Variants in NTRK1 observed in about 807,000 individuals in gnomAD.
NTRK1 encodes the protein high affinity nerve growth factor receptor.
In NTRK1, 62 loss-of-function variants were observed where a neutral mutation model predicts 86.8. The ratio of observed to expected loss-of-function variants is 0.71; its 90% CI spans 0.58 to 0.88. The LOEUF is 0.88. Ranked by LOEUF, NTRK1 falls within the 40% of genes least tolerant of loss-of-function variation. NTRK1 has a pLI of 0.00. For missense variants in NTRK1, 967 were observed against 1,078.4 expected (o/e 0.90, Z 1.45); for synonymous variants, 469 against 456.6 (o/e 1.03, Z -0.35).
chr1:156,873,950 C>T lies in NTRK1; in HGVS notation c.1168C>T (p.Pro390Ser). ...CCCTTTCGAGTTCAACCCCGAGGACCCCATCCCTGGTGCGAGGGCCATCCT... is the reference window on the plus strand; with the variant it reads ...CCCTTTCGAGTTCAACCCCGAGGACTCCATCCCTGGTGCGAGGGCCATCCT... ...DNPFEFNPED[P>S]IPVSFSPVDT... Residue 390 changes from proline (P) to serine (S), a missense_variant, in exon 8 of 17, where the codon CCC (proline) becomes TCC (serine). Pro to Ser is a moderately conservative substitution (Grantham distance 74). Coordinates refer to ENST00000524377, the MANE Select transcript of NTRK1 (RefSeq NM_002529.4). 1 of 1,553,140 alleles carries T rather than the reference C, an allele frequency of 6.4e-7. No homozygotes were observed. Among genetic ancestry groups the T allele is most frequent in the South Asian group, 1.2e-5 (1 of 84,236 alleles).
At chr1:156,818,370 G>T (rs1262878870) in intron 1 of NTRK1, among the ~76,000 whole-genome samples, 1 of 152,032 alleles carries the variant, frequency 6.6e-6, no homozygotes, top group Non-Finnish European at 1.5e-5. Flanking sequence ...GGTACGGTTG[G>T]GTTTTGGCTA....
rs577357736 is a variant in NTRK1, at chr1:156,869,444, G to A, written c.717+797G>A. ...GCACAATATCAGTTGTACTGCATCCGGGATGAGTTCTCGGGGGTATCGTGG... is the reference window on the plus strand; with the variant it reads ...GCACAATATCAGTTGTACTGCATCCAGGATGAGTTCTCGGGGGTATCGTGG... On this transcript the variant is annotated intron_variant, in intron 6 of 16. Coordinates refer to ENST00000524377, the MANE Select transcript of NTRK1 (RefSeq NM_002529.4). Among the ~76,000 whole-genome samples the A allele has an allele frequency of 2.5e-3, 381 of 152,072 alleles. 1 individual carries two copies. The highest frequency in any genetic ancestry group is 8.7e-3 in the African/African-American group (361 of 41,488).
At chr1:156,815,907 C>G in intron 1 of NTRK1, 1 of 1,612,184 alleles carries the variant, frequency 6.2e-7, no homozygotes, top group Non-Finnish European at 8.5e-7. Flanking sequence ...TTCCTGCCTT[C>G]TCTTGGAGTG....
chr1:156,844,163 A>C, intron 2 of NTRK1: 2 of 1,597,880 alleles, frequency 1.3e-6, no homozygotes, highest in Non-Finnish European at 1.7e-6. Context: ...GACCGGTGGG[A>C]CTTATCATCA....
At chr1:156,864,671 G>T in intron 2 of NTRK1, 57 bp from the exon 3 acceptor site, 4 of 1,586,368 alleles carry the variant, frequency 2.5e-6, no homozygotes, top group Non-Finnish European at 2.6e-6. Flanking sequence ...GGCAGGGAGG[G>T]CCAGGGGCCC....
In NTRK1 at chr1:156,881,560, A is replaced by G. The variant is rs2102931183; in HGVS notation, c.2309A>G (p.Gln770Arg). 6.2e-7 allele frequency: 1 copy of G among 1,611,118 alleles called. No individual in the cohort carries two copies. The highest frequency in any genetic ancestry group is 8.5e-7 in the Non-Finnish European group (1 of 1,179,056). The part of the protein sequence containing the change: ...MRGCWQREPQ[Q>R]RHSIKDVHAR... ...GGCTGCTGGCAGCGGGAGCCCCAGC[A>G]ACGCCACAGCATCAAGGATGTGCAC... Residue 770 changes from glutamine (Q) to arginine (R), a missense_variant, in exon 17 of 17, where the codon CAA (glutamine) becomes CGA (arginine). By Grantham distance (43) the Gln-to-Arg change is conservative. Coordinates refer to ENST00000524377, the MANE Select transcript of NTRK1 (RefSeq NM_002529.4).
At chr1:156,852,865 G>C (rs569143468) in intron 2 of NTRK1, among the ~76,000 whole-genome samples, 2 of 152,298 alleles carry the variant, frequency 1.3e-5, no homozygotes, top group Admixed American at 6.5e-5. Context: ...GTGGGGTGCA[G>C]CCGATACAGC....
At position 156,873,745 on chromosome 1, in the gene NTRK1, G is replaced by A. The variant is rs2102905294; in HGVS notation, c.963G>A (p.Val321=). The change falls in exon 8 of 17, where the codon GTG becomes GTA. Residue 321 remains valine (V), a synonymous_variant. Transcript: ENST00000524377. Reference sequence around the variant, plus strand: ...TGCGCTGGCTCTTCAATGGCTCCGTGCTCAATGAGACCAGCTTCATCTTCA... The same window carrying A: ...TGCGCTGGCTCTTCAATGGCTCCGTACTCAATGAGACCAGCTTCATCTTCA... ...PSLRWLFNGS[V]LNETSFIFTE... The A allele has an allele frequency of 6.2e-7, 1 of 1,613,244 alleles. No individual in the cohort carries two copies.
chr1:156,828,756 G>T (rs1021500337), intron 1 of NTRK1, among the ~76,000 whole-genome samples: 45 of 152,332 alleles, frequency 3.0e-4, no homozygotes, highest in African/African-American at 1.1e-3. Context: ...AGGCTGTGTG[G>T]CTTGTGGCAA....
At chr1:156,816,940 G>T in intron 1 of NTRK1, 3 of 407,790 alleles carry the variant, frequency 7.4e-6, no homozygotes, top group Non-Finnish European at 1.3e-5. Context: ...GCGGTGGGGG[G>T]TATCTGTGTC....
intron 2 of NTRK1, among the ~76,000 whole-genome samples, chr1:156,855,464 C>T (rs969862908): frequency 3.9e-5 from 6 of 152,172 alleles, no homozygotes; most frequent in Non-Finnish European, 7.4e-5. Flanking sequence ...CTTGGCCTCC[C>T]AAAGTGCTGG....
chr1:156,878,120 C>T (rs557822356), intron 14 of NTRK1, among the ~76,000 whole-genome samples: 25 of 152,328 alleles, frequency 1.6e-4, no homozygotes, highest in African/African-American at 6.0e-4. Context: ...ATCATTAATG[C>T]TCAGAGATGA....
At chr1:156,831,306 C>G (rs2102842296) in intron 1 of NTRK1, among the ~76,000 whole-genome samples, 2 of 152,284 alleles carry the variant, frequency 1.3e-5, no homozygotes, top group Middle Eastern at 6.8e-3. Flanking sequence ...GCTTGCCCTT[C>G]CCACTTCTCT....
rs1286696978 is a variant in NTRK1, at chr1:156,873,772, T to G, written c.990T>G (p.Thr330=). Reference sequence around the variant, plus strand: ...TCAATGAGACCAGCTTCATCTTCACTGAGTTCCTGGAGCCGGCAGCCAATG... The same window carrying G: ...TCAATGAGACCAGCTTCATCTTCACGGAGTTCCTGGAGCCGGCAGCCAATG... ...SVLNETSFIF[T]EFLEPAANET... Residue 330 remains threonine (T), a synonymous_variant, in exon 8 of 17, where the codon ACT becomes ACG. Transcript: ENST00000524377. 6.2e-7 allele frequency: 1 copy of G among 1,613,272 alleles called. No individual in the cohort carries two copies. The highest frequency in any genetic ancestry group is 8.5e-7 in the Non-Finnish European group (1 of 1,179,794).
chr1:156,853,972 C>T, intron 2 of NTRK1: 1 of 1,613,194 alleles, frequency 6.2e-7, no homozygotes, highest in Non-Finnish European at 8.5e-7. Flanking sequence ...TCTCCACACG[C>T]ACAGCCCCAC....
At chr1:156,875,481 G>A (rs749731640) in intron 11 of NTRK1, 39 bp from the exon 12 acceptor site, 12 of 1,612,872 alleles carry the variant, frequency 7.4e-6, no homozygotes, top group Non-Finnish European at 9.3e-6. Flanking sequence ...GGGCCAAGGT[G>A]TGGGCAAACC....
intron 6 of NTRK1, among the ~76,000 whole-genome samples, chr1:156,868,871 C>G (rs942450705): frequency 6.6e-6 from 1 of 152,138 alleles, no homozygotes; most frequent in African/African-American, 2.4e-5. Context: ...CCAGCAGGGA[C>G]CCCAGGCTAT....
chr1:156,864,465 A>G (rs1655831010), intron 2 of NTRK1, 37 bp downstream of exon 2: 6 of 1,602,564 alleles, frequency 3.7e-6, no homozygotes, highest in Non-Finnish European at 5.1e-6. Context: ...GGAGCTCAGC[A>G]TGGGCCTGGG....
chr1:156,837,414 C>T (rs748535855), intron 1 of NTRK1, among the ~76,000 whole-genome samples: 5 of 152,240 alleles, frequency 3.3e-5, no homozygotes, highest in Non-Finnish European at 5.9e-5. Context: ...TGGATGGTGC[C>T]ACCCTAGTGA....
Sources: allele counts gnomAD v4.1 joint callset (sites outside exome capture counted in the v4.1 genomes callset), GRCh38; gene constraint gnomAD v4.1.1; transcripts MANE v1.5; gene names NCBI Gene and HGNC (gene_info 2026-07-23, HGNC 2026-07-21).